The following WWP1 variants were observed in gnomAD, a reference collection of about 807,000 sequenced individuals.
WWP1 encodes the protein NEDD4-like E3 ubiquitin-protein ligase WWP1.
WWP1 carries 49 observed loss-of-function variants against 130.6 expected under a neutral mutation model. The observed-to-expected ratio is 0.38, with a 90% CI of 0.30 to 0.48. The LOEUF (loss-of-function observed/expected upper bound fraction) is 0.48, where lower values mean the gene tolerates loss of function less well. Ranked by LOEUF, WWP1 falls within the 20% of genes least tolerant of loss-of-function variation. WWP1 has a pLI of 0.99. For synonymous variants in WWP1, 332 were observed against 367.8 expected (o/e 0.90, Z 1.11); for missense variants, 809 against 1,100.6 (o/e 0.74, Z 3.75).
In WWP1 at chr8:86,423,484, T is replaced by C. The variant is rs1339343484; in HGVS notation, c.1062-1739T>C. 2.0e-5 allele frequency among the ~76,000 whole-genome samples: 3 copies of C among 152,280 alleles called. No homozygotes were observed. The East Asian group carries it at 5.8e-4, about 29-fold the overall frequency. On this transcript the variant is annotated intron_variant, in intron 9 of 24. Coordinates refer to ENST00000517970, the MANE Select transcript of WWP1 (RefSeq NM_007013.4). The stretch of plus-strand genomic sequence containing the variant: ...AACAAAGCACATCTTGCACTGCCCT[T>C]AATCCATTTAACCCTGAGTGGACAC...
At chr8:86,395,403 T>G (rs1187690938) in intron 5 of WWP1, among the ~76,000 whole-genome samples, 1 of 68,562 alleles carries the variant, frequency 1.5e-5, no homozygotes, top group Non-Finnish European at 3.3e-5. Flanking sequence ...ACCAGATTTT[T>G]GAGGAGATAT....
chr8:86,432,579 C>T (rs1418002763), intron 14 of WWP1, among the ~76,000 whole-genome samples: 2 of 151,326 alleles, frequency 1.3e-5, no homozygotes, highest in Non-Finnish European at 2.9e-5. Context: ...CAACTCTTCC[C>T]TTTACCAATG....
intron 1 of WWP1, among the ~76,000 whole-genome samples, chr8:86,361,369 T>G (rs533700195): frequency 9.2e-5 from 14 of 152,228 alleles, no homozygotes; most frequent in East Asian, 1.9e-4. Context: ...CTCTGCTGCT[T>G]CTTCTCTTTC....
At chr8:86,381,860 C>T (rs1825004182) in intron 5 of WWP1, among the ~76,000 whole-genome samples, 1 of 152,160 alleles carries the variant, frequency 6.6e-6, no homozygotes, top group Admixed American at 6.5e-5. Context: ...ACCCTATTAT[C>T]AGTGACTATC....
chr8:86,388,374 T>C (rs1439282995), intron 5 of WWP1, among the ~76,000 whole-genome samples: 1 of 151,990 alleles, frequency 6.6e-6, no homozygotes, highest in Non-Finnish European at 1.5e-5. Context: ...CCCACCACAG[T>C]CTTCTGAGGC....
rs79348529 is a variant in WWP1 at position 86,381,016 on chromosome 8, T to A, written c.209+152T>A. 5,930 of 834,238 alleles carry A rather than the reference T, an allele frequency of 7.1e-3. 137 individuals carry two copies. The East Asian group carries it at 0.097, about 14-fold the overall frequency. 51.7% of individuals were successfully genotyped at this position (834,238 alleles called of 1,614,324 possible). ...AAGTATGGAGAAATTTTTGGTTAAATTTTTTTTTTAAGGGGAGGATGCATA... is the reference window on the plus strand; with the variant it reads ...AAGTATGGAGAAATTTTTGGTTAAAATTTTTTTTTAAGGGGAGGATGCATA... On this transcript the variant is annotated intron_variant, in intron 4 of 24. Transcript: ENST00000517970.
chr8:86,389,794 C>T (rs1455542989), intron 5 of WWP1, among the ~76,000 whole-genome samples: 9 of 151,766 alleles, frequency 5.9e-5, no homozygotes, highest in Admixed American at 5.9e-4. Context: ...AGGCCGCCCC[C>T]CACCTCCCTC....
intron 10 of WWP1, 119 bp from the exon 11 acceptor site, chr8:86,427,524 T>G (rs907709144): frequency 1.7e-5 from 18 of 1,037,404 alleles, no homozygotes; most frequent in Non-Finnish European, 2.4e-5. Context: ...TTCATAGTTT[T>G]ATATGTTTTA....
chr8:86,382,623 C>T lies in WWP1; in HGVS notation c.334+994C>T, dbSNP rs1009165854. ...CTGAGGCAGGAGAATCGCTTGAACC[C>T]GGGAGGTGGAGGTTGCAGTGAGCCA... On this transcript the variant is annotated intron_variant, in intron 5 of 24. Coordinates refer to ENST00000517970, the MANE Select transcript of WWP1 (RefSeq NM_007013.4). Among the ~76,000 whole-genome samples, 6 of 152,216 alleles carry T rather than the reference C, an allele frequency of 3.9e-5. No homozygotes were observed. The South Asian group carries it at 6.2e-4, about 16-fold the overall frequency.
At chr8:86,433,229 C>CTTTTTTT (rs11321240) in intron 14 of WWP1, among the ~76,000 whole-genome samples, 4 of 119,048 alleles carry the variant, frequency 3.4e-5, no homozygotes, top group African/African-American at 1.2e-4. Context: ...TCCTAAGCCT[C>CTTTTTTT]TTTTTTTTTT....
intron 1 of WWP1, among the ~76,000 whole-genome samples, chr8:86,349,233 A>G (rs1363325044): frequency 2.0e-5 from 3 of 152,140 alleles, no homozygotes; most frequent in Non-Finnish European, 4.4e-5. Context: ...TGGACAGGCT[A>G]GTCTGGAACT....
At chr8:86,425,096 A>G in intron 9 of WWP1, 127 bp from the exon 10 acceptor site, 1 of 601,086 alleles carries the variant, frequency 1.7e-6, no homozygotes, top group Non-Finnish European at 2.8e-6. Context: ...TTATATATAT[A>G]GCTGTGTGTG....
At chr8:86,413,712 A>G (rs903076558) in intron 9 of WWP1, among the ~76,000 whole-genome samples, 3 of 151,282 alleles carry the variant, frequency 2.0e-5, no homozygotes, top group Non-Finnish European at 2.9e-5. Context: ...GTTTGAGTTC[A>G]GCATTTGAGG....
intron 5 of WWP1, among the ~76,000 whole-genome samples, chr8:86,397,251 A>G (rs942754700): frequency 7.2e-5 from 11 of 152,220 alleles, no homozygotes; most frequent in African/African-American, 2.7e-4. Flanking sequence ...TGAAGATCAG[A>G]TGGAAGTATT....
intron 8 of WWP1, among the ~76,000 whole-genome samples, chr8:86,405,471 A>ATG (rs1808227147): frequency 6.6e-6 from 1 of 151,988 alleles, no homozygotes; most frequent in African/African-American, 2.4e-5. Context: ...TTTAATCACG[A>ATG]TGTGTGGCCC....
chr8:86,394,933 TAAA>T (rs10694206), intron 5 of WWP1, among the ~76,000 whole-genome samples: 3 of 76,410 alleles, frequency 3.9e-5, no homozygotes, highest in African/African-American at 5.1e-5. Context: ...CTGTTCTTCT[TAAA>T]AAAAAAAAAA....
intron 9 of WWP1, among the ~76,000 whole-genome samples, chr8:86,420,691 T>A (rs1339836724): frequency 1.3e-5 from 2 of 151,788 alleles, no homozygotes; most frequent in Admixed American, 6.6e-5. Flanking sequence ...GAGTGGAAAA[T>A]GAAGTGAAAG....
At chr8:86,390,817 A>T (rs917501891) in intron 5 of WWP1, among the ~76,000 whole-genome samples, 2 of 152,092 alleles carry the variant, frequency 1.3e-5, no homozygotes, top group Non-Finnish European at 2.9e-5. Flanking sequence ...CCAATAGTCT[A>T]CCATATCAGA....
intron 8 of WWP1, among the ~76,000 whole-genome samples, chr8:86,406,305 G>A (rs1032875820): frequency 6.6e-6 from 1 of 152,104 alleles, no homozygotes; most frequent in Non-Finnish European, 1.5e-5. Context: ...TGGTATTTAA[G>A]AAAAATATAT....
Sources: gnomAD v4.1 joint callset for allele counts (sites outside exome capture counted in the v4.1 genomes callset) on GRCh38, gnomAD v4.1.1 for gene constraint, MANE v1.5 for transcripts, NCBI Gene and HGNC (gene_info 2026-07-23, HGNC 2026-07-21) for gene names.